The following DKK3 variants were observed in gnomAD, a reference collection of about 807,000 sequenced individuals.
The protein encoded by DKK3 is dickkopf-related protein 3.
A neutral mutation model predicts 33.2 loss-of-function variants in DKK3; 22 were observed. The ratio of observed to expected loss-of-function variants is 0.66; its 90% CI spans 0.47 to 0.95. The LOEUF (loss-of-function observed/expected upper bound fraction) is 0.95. Among genes scored for constraint, DKK3 ranks in the 40% least tolerant of loss-of-function variants. The probability of loss-of-function intolerance (pLI) is 0.00; values close to 1 mark genes in which losing one functional copy is unlikely to be tolerated. For missense variants in DKK3, 398 were observed against 458.4 expected (o/e 0.87, Z 1.20); for synonymous variants, 194 against 188.8 (o/e 1.03, Z -0.23).
chr11:12,004,536 GA>G (rs1350055957), intron 1 of DKK3, among the ~76,000 whole-genome samples: 1 of 152,194 alleles, frequency 6.6e-6, no homozygotes, highest in Non-Finnish European at 1.5e-5. Flanking sequence ...CATCCTCGGA[GA>G]GGAACACAGT....
At chr11:11,975,135 G>A (rs1360020188) in intron 3 of DKK3, among the ~76,000 whole-genome samples, 1 of 152,192 alleles carries the variant, frequency 6.6e-6, no homozygotes, top group Admixed American at 6.5e-5. Context: ...AAGTCGTCCT[G>A]TTTGGGGTAC....
intron 2 of DKK3, 46 bp downstream of exon 2, chr11:12,002,254 T>C (rs1220934303): frequency 6.5e-7 from 1 of 1,542,428 alleles, no homozygotes; most frequent in Non-Finnish European, 8.8e-7. Context: ...AGTTCTCTGA[T>C]GGGACTGGAC....
At chr11:11,998,933 C>T (rs1325571676) in intron 2 of DKK3, among the ~76,000 whole-genome samples, 154 bp from the exon 3 acceptor site, 1 of 152,134 alleles carries the variant, frequency 6.6e-6, no homozygotes, top group East Asian at 1.9e-4. Context: ...GTTCCCCCAG[C>T]AGCTGTGAGA....
intron 3 of DKK3, among the ~76,000 whole-genome samples, chr11:11,972,602 T>C (rs1847746616): frequency 6.6e-6 from 1 of 152,180 alleles, no homozygotes; most frequent in African/African-American, 2.4e-5. Flanking sequence ...CAGTGTTTGT[T>C]AGACCTGAGG....
At chr11:11,977,724 T>C (rs1404475804) in intron 3 of DKK3, among the ~76,000 whole-genome samples, 2 of 152,144 alleles carry the variant, frequency 1.3e-5, no homozygotes, top group African/African-American at 2.4e-5. Flanking sequence ...GCACTCCATA[T>C]GCAGAAGATC....
At chr11:11,966,295 G>A (rs765644886) in intron 5 of DKK3, among the ~76,000 whole-genome samples, 81 of 152,174 alleles carry the variant, frequency 5.3e-4, no homozygotes, top group Non-Finnish European at 9.0e-4. Flanking sequence ...GAGCTCAGTG[G>A]AAAATGTCAG....
chr11:11,980,241 A>G (rs1005786908), intron 3 of DKK3, among the ~76,000 whole-genome samples: 6 of 152,232 alleles, frequency 3.9e-5, no homozygotes, highest in African/African-American at 7.2e-5. Flanking sequence ...TCAACCCTGC[A>G]AATTAATAGC....
chr11:11,968,174 G>A (rs1847643644), intron 4 of DKK3, among the ~76,000 whole-genome samples: 1 of 152,176 alleles, frequency 6.6e-6, no homozygotes, highest in African/African-American at 2.4e-5. Context: ...ACATGGGGTG[G>A]ATGGGAGTGG....
At chr11:11,990,517 C>G (rs1026198919) in intron 3 of DKK3, among the ~76,000 whole-genome samples, 2 of 152,238 alleles carry the variant, frequency 1.3e-5, no homozygotes, top group Admixed American at 1.3e-4. Context: ...CTTCCTGGCT[C>G]TTTCCTCTAG....
intron 1 of DKK3, among the ~76,000 whole-genome samples, chr11:12,004,142 TAG>T (rs1304101416): frequency 1.3e-5 from 2 of 152,202 alleles, no homozygotes; most frequent in Non-Finnish European, 1.5e-5. Context: ...GCTGTGATTA[TAG>T]AGTCAGGTCC....
At chr11:11,989,053 A>C (rs1848133016) in intron 3 of DKK3, among the ~76,000 whole-genome samples, 1 of 152,166 alleles carries the variant, frequency 6.6e-6, no homozygotes, top group Non-Finnish European at 1.5e-5. Context: ...TACAGTCATG[A>C]AGACTGAAAG....
chr11:11,967,258 T>C (rs1847620130), intron 4 of DKK3, among the ~76,000 whole-genome samples, 160 bp from the exon 5 acceptor site: 1 of 151,886 alleles, frequency 6.6e-6, no homozygotes, highest in Admixed American at 6.6e-5. Flanking sequence ...GGGACAGAGG[T>C]GGGAGCTTGG....
intron 3 of DKK3, among the ~76,000 whole-genome samples, chr11:11,997,575 T>C (rs1192426076): frequency 6.6e-6 from 1 of 152,156 alleles, no homozygotes; most frequent in Non-Finnish European, 1.5e-5. Flanking sequence ...ATGGGGAAAC[T>C]GAGGTGCCCT....
intron 3 of DKK3, among the ~76,000 whole-genome samples, chr11:11,974,660 G>A (rs1317067342): frequency 6.6e-6 from 1 of 152,186 alleles, no homozygotes; most frequent in Non-Finnish European, 1.5e-5. Context: ...AATGGAAATT[G>A]AATTTCAACA....
chr11:11,999,916 T>A (rs989232822), intron 2 of DKK3, among the ~76,000 whole-genome samples: 3 of 152,202 alleles, frequency 2.0e-5, no homozygotes, highest in African/African-American at 7.2e-5. Context: ...AAGGTAAGGA[T>A]CATGCTTTTA....
At chr11:11,982,503 A>C (rs1847976832) in intron 3 of DKK3, among the ~76,000 whole-genome samples, 1 of 152,166 alleles carries the variant, frequency 6.6e-6, no homozygotes, top group Non-Finnish European at 1.5e-5. Context: ...ACTCTGGCTC[A>C]TGCTTCATCC....
chr11:11,982,783 G>A (rs1248047544), intron 3 of DKK3, among the ~76,000 whole-genome samples: 3 of 152,212 alleles, frequency 2.0e-5, no homozygotes, highest in Non-Finnish European at 4.4e-5. Flanking sequence ...GCCAGAGCTT[G>A]TATCTCTTCC....
chr11:12,008,510 G>C lies in DKK3; in HGVS notation c.73C>G (p.Pro25Ala), dbSNP rs1333517414. The change falls in exon 1 of 7, where the codon CCG (proline) becomes GCG (alanine). Residue 25 changes from proline (P) to alanine (A), a missense_variant. Pro to Ala is a conservative substitution (Grantham distance 27, BLOSUM62 -1). Coordinates refer to ENST00000683431, the MANE Select transcript of DKK3 (RefSeq NM_001018057.2). This position sits in a 1 kb window ranked among gnomAD's most constrained non-coding sequence, Gnocchi z 4.6. The part of the protein sequence containing the change: ...AAVPTAPAPA[P>A]TATSAPVKPG... ...TTGACTGGAGCCGAGGTCGCCGTCG[G>C]AGCGGGCGCGGGGGCCGTGGGGACC... The C allele has an allele frequency of 3.8e-6, 6 of 1,585,848 alleles. No individual in the cohort carries two copies. The highest frequency in any genetic ancestry group is 4.3e-6 in the Non-Finnish European group (5 of 1,172,262).
At chr11:12,002,061 T>C in intron 2 of DKK3, 1 of 389,170 alleles carries the variant, frequency 2.6e-6, no homozygotes, top group Admixed American at 4.0e-5. Context: ...GCAACTGGAC[T>C]GGCAGGAAGC....
Sources: allele counts gnomAD v4.1 joint callset (sites outside exome capture counted in the v4.1 genomes callset), GRCh38; gene constraint gnomAD v4.1.1; non-coding constraint Gnocchi (gnomAD v3.1); transcripts MANE v1.5; gene names NCBI Gene and HGNC (gene_info 2026-07-23, HGNC 2026-07-21).